GRIK2: variants seen among roughly 807,000 people sequenced by gnomAD.
GRIK2 encodes the protein glutamate ionotropic receptor kainate type subunit 2.
GRIK2 carries 32 observed loss-of-function variants against 100.3 expected under a neutral mutation model. The ratio of observed to expected loss-of-function variants is 0.32; its 90% CI spans 0.24 to 0.43. The LOEUF (loss-of-function observed/expected upper bound fraction) is 0.43. Among genes scored for constraint, GRIK2 ranks in the 20% least tolerant of loss-of-function variants. GRIK2 has a pLI of 1.00. For missense variants in GRIK2, 843 were observed against 1,114.9 expected (o/e 0.76, Z 3.47); for synonymous variants, 417 against 389.4 (o/e 1.07, Z -0.83).
At chr6:101,404,598 T>A (rs985520388) in intron 2 of GRIK2, among the ~76,000 whole-genome samples, 2 of 152,238 alleles carry the variant, frequency 1.3e-5, no homozygotes, top group Non-Finnish European at 2.9e-5. Context: ...GTCTTTAAAA[T>A]GTAACATACT....
Position 101,958,077 on chromosome 6 carries a change from T to C in GRIK2, c.2085+29445T>C, listed in dbSNP as rs1000519187. On this transcript the variant is annotated intron_variant, in intron 14 of 16. Coordinates refer to ENST00000369134, the MANE Select transcript of GRIK2 (RefSeq NM_021956.5). The stretch of plus-strand genomic sequence containing the variant: ...TCTGTGAAAAATTATATAAATTGCA[T>C]TGAATCTGTAGATTGTTTTAGGAAG... 5.9e-5 allele frequency among the ~76,000 whole-genome samples: 9 copies of C among 152,112 alleles called. 1 individual carries two copies.
chr6:101,655,525 C>T (rs935625194), intron 4 of GRIK2, among the ~76,000 whole-genome samples: 4 of 152,084 alleles, frequency 2.6e-5, no homozygotes, highest in African/African-American at 9.7e-5. Context: ...GTCTCTGTGC[C>T]TCATTTTCCT....
At chr6:101,503,440 G>A (rs1180544394) in intron 2 of GRIK2, among the ~76,000 whole-genome samples, 2 of 152,084 alleles carry the variant, frequency 1.3e-5, no homozygotes, top group Non-Finnish European at 2.9e-5. Context: ...TAAATAATAT[G>A]TCATCCTATC....
intron 4 of GRIK2, among the ~76,000 whole-genome samples, chr6:101,635,061 A>C (rs1430101827): frequency 6.6e-6 from 1 of 152,074 alleles, no homozygotes; most frequent in Non-Finnish European, 1.5e-5. Context: ...TGAATAAGAT[A>C]ATTTTTATAT....
intron 2 of GRIK2, among the ~76,000 whole-genome samples, chr6:101,432,089 T>C (rs927181821): frequency 6.6e-6 from 1 of 151,930 alleles, no homozygotes; most frequent in Non-Finnish European, 1.5e-5. Flanking sequence ...TAATTGTTGC[T>C]CTTCTCATTA....
intron 14 of GRIK2, among the ~76,000 whole-genome samples, chr6:101,980,089 A>G (rs1027098166): frequency 6.6e-6 from 1 of 151,938 alleles, no homozygotes; most frequent in African/African-American, 2.4e-5. Context: ...CGGGTGAGGA[A>G]ACATGTCAGA....
chr6:101,400,890 C>T (rs1775267948), intron 2 of GRIK2, among the ~76,000 whole-genome samples: 1 of 152,192 alleles, frequency 6.6e-6, no homozygotes, highest in Admixed American at 6.5e-5. Context: ...TTAGATGGTA[C>T]TTAAGCACGT....
intron 2 of GRIK2, among the ~76,000 whole-genome samples, chr6:101,562,183 C>T (rs538469531): frequency 6.6e-6 from 1 of 151,968 alleles, no homozygotes; most frequent in South Asian, 2.1e-4. Flanking sequence ...CAGAAATAGT[C>T]AGAAAATAAA....
At chr6:101,422,811 C>A (rs1306680183) in intron 2 of GRIK2, among the ~76,000 whole-genome samples, 1 of 152,094 alleles carries the variant, frequency 6.6e-6, no homozygotes, top group Admixed American at 6.6e-5. Context: ...ATTTATTCAA[C>A]ATTGGAACTC....
At chr6:101,421,660 G>A (rs917359779) in intron 2 of GRIK2, among the ~76,000 whole-genome samples, 2 of 151,758 alleles carry the variant, frequency 1.3e-5, no homozygotes, top group Non-Finnish European at 2.9e-5. Flanking sequence ...AAGGAAAGCT[G>A]TTTTTTTTCT....
At chr6:101,617,684 A>G (rs758928743) in intron 2 of GRIK2, among the ~76,000 whole-genome samples, 2 of 151,844 alleles carry the variant, frequency 1.3e-5, no homozygotes, top group Non-Finnish European at 2.9e-5. Context: ...TTTCCATAAT[A>G]CCATGAAATT....
intron 14 of GRIK2, among the ~76,000 whole-genome samples, chr6:101,953,075 A>T (rs562748621): frequency 7.3e-4 from 111 of 152,294 alleles, no homozygotes; most frequent in South Asian, 3.3e-3. Context: ...CTGAACTTTC[A>T]TCTGTGTTTC....
intron 14 of GRIK2, among the ~76,000 whole-genome samples, chr6:101,929,482 T>TTA (rs151294735): frequency 3.6e-5 from 5 of 139,858 alleles, no homozygotes; most frequent in South Asian, 2.2e-4. Context: ...TATTTTTTTT[T>TTA]AAAAAAATGA....
intron 12 of GRIK2, among the ~76,000 whole-genome samples, chr6:101,895,793 A>G (rs980909490): frequency 6.6e-6 from 1 of 151,778 alleles, no homozygotes; most frequent in African/African-American, 2.4e-5. Flanking sequence ...TTTTACTTAA[A>G]TAAATTGCAG....
At chr6:101,932,933 C>T (rs1426022189) in intron 14 of GRIK2, among the ~76,000 whole-genome samples, 1 of 151,894 alleles carries the variant, frequency 6.6e-6, no homozygotes, top group East Asian at 1.9e-4. Context: ...AGTGCTTTTA[C>T]CAGTACAATT....
chr6:101,484,216 TAATTCACC>T (rs1169727640), intron 2 of GRIK2, among the ~76,000 whole-genome samples: 3 of 152,304 alleles, frequency 2.0e-5, no homozygotes, highest in Non-Finnish European at 2.9e-5. Context: ...CACATATGAA[TAATTCACC>T]ATCCATATTT....
intron 2 of GRIK2, among the ~76,000 whole-genome samples, chr6:101,509,338 A>G (rs975925239): frequency 6.6e-6 from 1 of 152,124 alleles, no homozygotes; most frequent in Non-Finnish European, 1.5e-5. Flanking sequence ...CAGTGTATGC[A>G]AATTGGATTT....
intron 14 of GRIK2, among the ~76,000 whole-genome samples, chr6:101,995,322 G>A (rs1794594831): frequency 6.6e-6 from 1 of 151,840 alleles, no homozygotes; most frequent in South Asian, 2.1e-4. Flanking sequence ...ATTAATAACT[G>A]ACTATAAAGC....
At chr6:101,514,169 G>GA (rs1452097889) in intron 2 of GRIK2, among the ~76,000 whole-genome samples, 1 of 152,084 alleles carries the variant, frequency 6.6e-6, no homozygotes, top group Admixed American at 6.6e-5. Flanking sequence ...AAATAGTGCT[G>GA]AAACAACTGA....
Sources: gnomAD v4.1 joint callset for allele counts (sites outside exome capture counted in the v4.1 genomes callset) on GRCh38, gnomAD v4.1.1 for gene constraint, MANE v1.5 for transcripts, NCBI Gene and HGNC (gene_info 2026-07-23, HGNC 2026-07-21) for gene names.